The following ARHGAP15 variants were observed in gnomAD, a reference collection of about 807,000 sequenced individuals.
ARHGAP15 encodes the protein Rho GTPase activating protein 15.
Under a neutral mutation model 63.7 loss-of-function variants are expected in ARHGAP15, and 51 were observed. The observed-to-expected ratio is 0.80, with a 90% confidence interval of 0.64 to 1.01. The LOEUF (loss-of-function observed/expected upper bound fraction) is 1.01. ARHGAP15 is among the 50% of genes least tolerant of loss of function. The pLI is 0.00. For synonymous variants in ARHGAP15, 191 were observed against 193.8 expected (o/e 0.99, Z 0.12); for missense variants, 560 against 564.6 (o/e 0.99, Z 0.08).
chr2:143,235,997 G>A, intron 5 of ARHGAP15: 1 of 1,539,102 alleles, frequency 6.5e-7, no homozygotes, highest in Non-Finnish European at 8.8e-7. Flanking sequence ...ATGGGATTTG[G>A]CAAATCTCCA....
chr2:143,756,115 G>C (rs1559162727), intron 13 of ARHGAP15, among the ~76,000 whole-genome samples: 2 of 152,132 alleles, frequency 1.3e-5, no homozygotes, highest in Admixed American at 6.6e-5. Flanking sequence ...AACTGCTAAA[G>C]ATTTTATGTA....
chr2:143,420,925 C>T (rs530501341), intron 6 of ARHGAP15, among the ~76,000 whole-genome samples: 2 of 152,198 alleles, frequency 1.3e-5, no homozygotes, highest in African/African-American at 4.8e-5. Context: ...ATCACACAGA[C>T]ACATGCTAGT....
At chr2:143,378,907 A>T (rs1378782780) in intron 6 of ARHGAP15, among the ~76,000 whole-genome samples, 1 of 152,070 alleles carries the variant, frequency 6.6e-6, no homozygotes, top group African/African-American at 2.4e-5. Flanking sequence ...TAAAATATTG[A>T]AGGGAATGGG....
intron 6 of ARHGAP15, among the ~76,000 whole-genome samples, chr2:143,339,805 C>T (rs1382395101): frequency 6.6e-6 from 1 of 152,122 alleles, no homozygotes; most frequent in Admixed American, 6.6e-5. Context: ...AAAATGTAGC[C>T]AGCTATTCAG....
chr2:143,377,816 T>C (rs934016739), intron 6 of ARHGAP15, among the ~76,000 whole-genome samples: 1 of 152,082 alleles, frequency 6.6e-6, no homozygotes, highest in African/African-American at 2.4e-5. Context: ...ATTTCAGTCT[T>C]CTCAATGTAT....
intron 13 of ARHGAP15, among the ~76,000 whole-genome samples, chr2:143,735,686 G>A (rs1303540865): frequency 6.6e-6 from 1 of 152,096 alleles, no homozygotes; most frequent in African/African-American, 2.4e-5. Flanking sequence ...CAACCACACA[G>A]ACTAGAAGTG....
At position 143,673,758 on chromosome 2, in the gene ARHGAP15, GTATATATA is replaced by G. The variant is rs70982879; in HGVS notation, c.1139-29642_1139-29635del. On this transcript the variant is annotated intron_variant, in intron 12 of 13. Transcript: ENST00000295095. The stretch of plus-strand genomic sequence containing the variant: ...TGTGTGTGTGTGTGTGTGTGTGTGT[GTATATATA>G]TATATATATATATATATAAACAACT... 0.011 allele frequency among the ~76,000 whole-genome samples: 254 copies of G among 22,140 alleles called. 11 individuals carry two copies. The East Asian group carries it at 0.16, about 14-fold the overall frequency. 14.5% of individuals were successfully genotyped at this position (22,140 alleles called of 152,430 possible).
chr2:143,480,038 G>T (rs1692002352), intron 8 of ARHGAP15, among the ~76,000 whole-genome samples: 1 of 152,076 alleles, frequency 6.6e-6, no homozygotes, highest in South Asian at 2.1e-4. Flanking sequence ...GAAACCCAAA[G>T]CTATGCTAAG....
chr2:143,496,005 T>G (rs1692798678), intron 9 of ARHGAP15, among the ~76,000 whole-genome samples: 2 of 152,204 alleles, frequency 1.3e-5, no homozygotes, highest in Non-Finnish European at 2.9e-5. Flanking sequence ...TTTAAAAAAC[T>G]TCTTTATGGT....
At chr2:143,603,764 G>C (rs1697871222) in intron 11 of ARHGAP15, among the ~76,000 whole-genome samples, 1 of 152,148 alleles carries the variant, frequency 6.6e-6, no homozygotes, top group Non-Finnish European at 1.5e-5. Flanking sequence ...CCACCTATCT[G>C]TGCTGCTGCT....
At chr2:143,399,983 T>C (rs1420279033) in intron 6 of ARHGAP15, among the ~76,000 whole-genome samples, 2 of 152,044 alleles carry the variant, frequency 1.3e-5, no homozygotes. Context: ...GGGTGATCTG[T>C]TCAGATCCTC....
chr2:143,583,836 G>C (rs1697003720), intron 11 of ARHGAP15, among the ~76,000 whole-genome samples: 1 of 152,124 alleles, frequency 6.6e-6, no homozygotes, highest in Non-Finnish European at 1.5e-5. Flanking sequence ...TAATTTTATA[G>C]TTCAATGTCT....
intron 11 of ARHGAP15, among the ~76,000 whole-genome samples, chr2:143,621,689 G>A (rs1233210974): frequency 6.6e-6 from 1 of 152,178 alleles, no homozygotes; most frequent in Non-Finnish European, 1.5e-5. Context: ...AAGGGACACA[G>A]TTAATATTAT....
At chr2:143,252,180 A>G (rs901047730) in intron 6 of ARHGAP15, among the ~76,000 whole-genome samples, 1 of 152,040 alleles carries the variant, frequency 6.6e-6, no homozygotes, top group Non-Finnish European at 1.5e-5. Flanking sequence ...TGAAGAGTTA[A>G]ATTAGTTCAC....
At chr2:143,546,344 T>C (rs1372632383) in intron 10 of ARHGAP15, among the ~76,000 whole-genome samples, 1 of 152,202 alleles carries the variant, frequency 6.6e-6, no homozygotes, top group Non-Finnish European at 1.5e-5. Flanking sequence ...CTACACTTTA[T>C]ATAACTCTTA....
At chr2:143,311,564 C>A (rs1683449844) in intron 6 of ARHGAP15, among the ~76,000 whole-genome samples, 1 of 151,988 alleles carries the variant, frequency 6.6e-6, no homozygotes, top group Admixed American at 6.6e-5. Context: ...GGTGTGCATG[C>A]CTTAGCTCCG....
chr2:143,579,523 T>C (rs955765991), intron 11 of ARHGAP15, among the ~76,000 whole-genome samples: 5 of 152,166 alleles, frequency 3.3e-5, no homozygotes, highest in Non-Finnish European at 7.3e-5. Context: ...GTTCCATGGA[T>C]ATCAATTGTG....
Position 143,259,236 on chromosome 2 carries a change from T to G in ARHGAP15, c.474+8636T>G, listed in dbSNP as rs575107522. 1.0e-3 allele frequency among the ~76,000 whole-genome samples: 157 copies of G among 152,260 alleles called. 1 individual carries two copies. The highest frequency in any genetic ancestry group is 3.6e-3 in the African/African-American group (149 of 41,558). ...TGTGAAACCCTTCTCTTTTGACAGCTATACTGGAACATTTACAACCACAGA... is the reference window on the plus strand; with the variant it reads ...TGTGAAACCCTTCTCTTTTGACAGCGATACTGGAACATTTACAACCACAGA... On this transcript the variant is annotated intron_variant, in intron 6 of 13. Coordinates refer to ENST00000295095, the MANE Select transcript of ARHGAP15 (RefSeq NM_018460.4).
At chr2:143,632,159 G>T (rs1381539282) in intron 12 of ARHGAP15, among the ~76,000 whole-genome samples, 2 of 151,944 alleles carry the variant, frequency 1.3e-5, no homozygotes, top group East Asian at 3.9e-4. Context: ...GTTGCCTTTT[G>T]TGTACAAAAA....
Sources: gnomAD v4.1 joint callset for allele counts (sites outside exome capture counted in the v4.1 genomes callset) on GRCh38, gnomAD v4.1.1 for gene constraint, MANE v1.5 for transcripts, NCBI Gene and HGNC (gene_info 2026-07-23, HGNC 2026-07-21) for gene names.